The following CYRIA variants were observed in gnomAD, a reference collection of about 807,000 sequenced individuals.
CYRIA encodes the protein CYFIP-related Rac1 interactor A.
In CYRIA, 15 loss-of-function variants were observed where a neutral mutation model predicts 43.9. That is an observed-to-expected ratio of 0.34 (90% confidence interval 0.23 to 0.53). The LOEUF (loss-of-function observed/expected upper bound fraction) is 0.53, where lower values mean the gene tolerates loss of function less well. Among genes scored for constraint, CYRIA ranks in the 20% least tolerant of loss-of-function variants. The pLI is 0.94. For synonymous variants in CYRIA, 117 were observed against 136.0 expected (o/e 0.86, Z 0.97); for missense variants, 236 against 394.2 (o/e 0.60, Z 3.40).
intron 1 of CYRIA, among the ~76,000 whole-genome samples, chr2:16,642,664 T>C (rs1669709023): frequency 6.6e-6 from 1 of 152,128 alleles, no homozygotes; most frequent in African/African-American, 2.4e-5. Context: ...GCCGACCTCA[T>C]CCACAGCTAC....
intron 1 of CYRIA, among the ~76,000 whole-genome samples, chr2:16,652,050 C>A (rs1040478319): frequency 6.6e-6 from 1 of 152,212 alleles, no homozygotes; most frequent in Non-Finnish European, 1.5e-5. Context: ...CCTGATCCAG[C>A]AGCTGAAAGC....
chr2:16,566,729 A>G (rs1266117751), intron 3 of CYRIA, among the ~76,000 whole-genome samples: 1 of 152,172 alleles, frequency 6.6e-6, no homozygotes, highest in Non-Finnish European at 1.5e-5. Flanking sequence ...TCCCGGAGCT[A>G]GCATGTATTC....
At chr2:16,610,176 G>C (rs1385848101) in intron 2 of CYRIA, among the ~76,000 whole-genome samples, 1 of 152,154 alleles carries the variant, frequency 6.6e-6, no homozygotes, top group Admixed American at 6.5e-5. Context: ...AATGCCAAAA[G>C]CAAACTCAAG....
intron 2 of CYRIA, among the ~76,000 whole-genome samples, chr2:16,593,708 G>T (rs113247385): frequency 0.35 from 26,808 of 77,426 alleles, 3,320 homozygotes; most frequent in Admixed American, 0.44. Flanking sequence ...GTTTTTTTTT[G>T]TGTGTGTGTG....
chr2:16,647,794 A>G (rs1240063819), intron 1 of CYRIA, among the ~76,000 whole-genome samples: 1 of 152,012 alleles, frequency 6.6e-6, no homozygotes, highest in Non-Finnish European at 1.5e-5. Flanking sequence ...CAGTTCAAAC[A>G]CTTCTTCCAG....
chr2:16,572,030 C>A (rs1045362973), intron 3 of CYRIA, among the ~76,000 whole-genome samples: 1 of 152,202 alleles, frequency 6.6e-6, no homozygotes, highest in Non-Finnish European at 1.5e-5. Context: ...TTCTATAGAA[C>A]AATCACATTA....
chr2:16,609,913 G>A (rs1342182809), intron 2 of CYRIA, among the ~76,000 whole-genome samples: 1 of 152,180 alleles, frequency 6.6e-6, no homozygotes, highest in African/African-American at 2.4e-5. Context: ...CCAGGCCTCT[G>A]AGTGTGGTCT....
intron 3 of CYRIA, among the ~76,000 whole-genome samples, chr2:16,586,353 TTAA>T: frequency 6.6e-6 from 1 of 152,224 alleles, no homozygotes; most frequent in Admixed American, 6.5e-5. Flanking sequence ...TTTAAAAAAA[TTAA>T]TAAACCATTC....
chr2:16,603,184 C>T (rs113756598), intron 2 of CYRIA, among the ~76,000 whole-genome samples: 1,925 of 152,306 alleles, frequency 0.013, 14 homozygotes, highest in Non-Finnish European at 0.017. Context: ...TCCACTCCAG[C>T]CTTGCCCTGC....
chr2:16,606,103 C>T (rs1189440307), intron 2 of CYRIA, among the ~76,000 whole-genome samples: 1 of 152,158 alleles, frequency 6.6e-6, no homozygotes, highest in Non-Finnish European at 1.5e-5. Flanking sequence ...CTTCTGTCCC[C>T]AGCTCCAGGC....
intron 1 of CYRIA, among the ~76,000 whole-genome samples, chr2:16,662,327 T>C (rs1453838482): frequency 6.6e-6 from 1 of 152,174 alleles, no homozygotes; most frequent in African/African-American, 2.4e-5. Flanking sequence ...TAACAGCAAG[T>C]CTACTGTGAA....
intron 1 of CYRIA, among the ~76,000 whole-genome samples, chr2:16,646,896 G>C (rs1486088188): frequency 6.6e-6 from 1 of 152,170 alleles, no homozygotes; most frequent in Non-Finnish European, 1.5e-5. Flanking sequence ...TTTGGATTCA[G>C]ACTTGAACCA....
At chr2:16,663,686 CA>C (rs1252668668) in intron 1 of CYRIA, among the ~76,000 whole-genome samples, 2 of 152,002 alleles carry the variant, frequency 1.3e-5, no homozygotes, top group Non-Finnish European at 2.9e-5. Flanking sequence ...CAGGAAGTCA[CA>C]AGTGGCTTTG....
At chr2:16,623,065 G>C (rs1216122499) in intron 2 of CYRIA, 4 of 152,224 alleles carry the variant, frequency 2.6e-5, no homozygotes, top group African/African-American at 7.2e-5. Flanking sequence ...TAGTGCAAGA[G>C]TGAAGATGTG....
In CYRIA at chr2:16,569,515, C is replaced by T. The variant is rs74784410; in HGVS notation, c.71-3748G>A. 6.2e-3 allele frequency among the ~76,000 whole-genome samples: 938 copies of T among 152,272 alleles called. 7 individuals are homozygous for T. Among genetic ancestry groups the T allele is most frequent in the African/African-American group, 0.022 (907 of 41,554 alleles). On this transcript the variant is annotated intron_variant, in intron 3 of 11. Coordinates refer to ENST00000381323, the MANE Select transcript of CYRIA (RefSeq NM_030797.4). ...TTCTTTCCTGTCATGAAACTGAAGTCACCTCTTCCAGCTATAATTAGACGG... is the reference window on the plus strand; with the variant it reads ...TTCTTTCCTGTCATGAAACTGAAGTTACCTCTTCCAGCTATAATTAGACGG...
chr2:16,658,522 A>G (rs1440253845), intron 1 of CYRIA, among the ~76,000 whole-genome samples: 1 of 152,248 alleles, frequency 6.6e-6, no homozygotes, highest in Non-Finnish European at 1.5e-5. Context: ...CCAAGATTCC[A>G]TCCAACCCAG....
chr2:16,625,157 G>A (rs904416011), intron 1 of CYRIA, among the ~76,000 whole-genome samples: 16 of 152,206 alleles, frequency 1.1e-4, no homozygotes, highest in African/African-American at 3.9e-4. Context: ...ATGGGGGTGG[G>A]GGATGGTGGT....
At chr2:16,567,794 A>G (rs1666994567) in intron 3 of CYRIA, among the ~76,000 whole-genome samples, 1 of 152,214 alleles carries the variant, frequency 6.6e-6, no homozygotes, top group Non-Finnish European at 1.5e-5. Flanking sequence ...ACTAGGAAGT[A>G]AGGAGGTACT....
At chr2:16,654,776 T>C (rs1315462487) in intron 1 of CYRIA, among the ~76,000 whole-genome samples, 2 of 152,236 alleles carry the variant, frequency 1.3e-5, no homozygotes, top group African/African-American at 4.8e-5. Context: ...AGGTGCTAAA[T>C]GTATACTGAA....
Sources: gnomAD v4.1 joint callset for allele counts (sites outside exome capture counted in the v4.1 genomes callset) on GRCh38, gnomAD v4.1.1 for gene constraint, MANE v1.5 for transcripts, NCBI Gene and HGNC (gene_info 2026-07-23, HGNC 2026-07-21) for gene names.